Variants in RHNO1 observed in about 807,000 individuals in gnomAD.
The protein encoded by RHNO1 is RAD9, HUS1, RAD1-interacting nuclear orphan protein 1.
A neutral mutation model predicts 7.2 loss-of-function variants in RHNO1; 9 were observed. That is an observed-to-expected ratio of 1.25 (90% CI 0.75 to 2.18). RHNO1 has a LOEUF of 2.18. RHNO1 is among the 30% of genes most tolerant of loss of function. The probability of loss-of-function intolerance (pLI) is 0.00; values close to 1 mark genes in which losing one functional copy is unlikely to be tolerated. For missense variants in RHNO1, 292 were observed against 284.5 expected, an observed-to-expected ratio of 1.03 and a Z score of -0.19; for synonymous variants, 95 against 107.5, an observed-to-expected ratio of 0.88 and a Z score of 0.72.
Position 2,883,070 on chromosome 12 carries a change from A to AAAAAAAAACAAAAC in RHNO1, c.-84-2205_-84-2204insCAAAACAAAAAAAA, listed in dbSNP as rs1555108288. 2.3e-3 allele frequency among the ~76,000 whole-genome samples: 325 copies of AAAAAAAAACAAAAC among 140,858 alleles called. 4 individuals carry two copies. The highest frequency in any genetic ancestry group is 8.2e-3 in the African/African-American group (300 of 36,510). 92.4% of individuals were successfully genotyped at this position (140,858 alleles called of 152,430 possible). On this transcript the variant is annotated intron_variant, in intron 1 of 2. Coordinates refer to ENST00000489288, the MANE Select transcript of RHNO1 (RefSeq NM_001252499.3). Reference sequence around the variant, plus strand: ...TGACAGAGCAAGGCCCTGTCTCAAAAAAAAAAAAAAAAAAACACATAGAAA... The same window carrying AAAAAAAAACAAAAC: ...TGACAGAGCAAGGCCCTGTCTCAAAAAAAAAAAACAAAACAAAAAAAAAAAAAAACACATAGAAA...
In RHNO1 at chr12:2,887,600, A is replaced by G. The variant is rs562629748; in HGVS notation, c.169-311A>G. Among the ~76,000 whole-genome samples the G allele has an allele frequency of 1.4e-4, 21 of 152,198 alleles. No homozygotes were observed. The South Asian group carries it at 1.7e-3, about 12-fold the overall frequency. ...GAGACAGAGGTTGCAATGAGCCGAG[A>G]TGGTGCCGCTGCATTCCAGCCTAGA... On this transcript the variant is annotated intron_variant, in intron 2 of 2. Transcript: ENST00000489288.
intron 1 of RHNO1, among the ~76,000 whole-genome samples, chr12:2,880,846 C>T (rs1040333368): frequency 2.6e-5 from 4 of 151,856 alleles, no homozygotes; most frequent in Non-Finnish European, 4.4e-5. Flanking sequence ...TCTATGTTGC[C>T]CAGGCTGGTC....
chr12:2,880,662 G>T (rs187979443), intron 1 of RHNO1, among the ~76,000 whole-genome samples: 4 of 152,070 alleles, frequency 2.6e-5, no homozygotes, highest in Admixed American at 6.5e-5. Context: ...TTGAGATAGG[G>T]TCTGTCTGTC....
chr12:2,885,658 T>C, intron 2 of RHNO1, 124 bp downstream of exon 2: 1 of 834,288 alleles, frequency 1.2e-6, no homozygotes, highest in East Asian at 3.0e-5. Context: ...CACTGCAAGC[T>C]CCGCCTCCTG....
chr12:2,887,975 G>A lies in RHNO1; in HGVS notation c.233G>A (p.Arg78Gln), dbSNP rs61735305. The stretch of plus-strand genomic sequence containing the variant: ...CCAGCCTACCAGAAACACCAAAACC[G>A]GGCGAGACACTCAAGTCGAAAACCT... The part of the protein sequence containing the change: ...LFPAYQKHQN[R>Q]ARHSSRKPTT... The change falls in exon 3 of 3, where the codon CGG becomes CAG. Residue 78 changes from arginine (R) to glutamine (Q), a missense_variant. Physicochemically the swap from Arg to Gln is conservative, Grantham distance 43 (BLOSUM62 1). Coordinates refer to ENST00000489288, the MANE Select transcript of RHNO1 (RefSeq NM_001252499.3). 3.8e-4 allele frequency: 607 copies of A among 1,613,252 alleles called. 3 individuals are homozygous for A. The African/African-American group carries it at 6.2e-3, about 17-fold the overall frequency.
chr12:2,878,387 A>G (rs2098151782), intron 1 of RHNO1, among the ~76,000 whole-genome samples: 1 of 150,930 alleles, frequency 6.6e-6, no homozygotes, highest in African/African-American at 2.5e-5. Flanking sequence ...AGGAGGAAGC[A>G]CAGTGAGTAC....
In RHNO1 at chr12:2,889,013, C is replaced by CCTTAACCAGTGGT. The variant is rs1269221236; in HGVS notation, c.*554_*555insCTTAACCAGTGGT. On this transcript the variant is annotated 3_prime_UTR_variant, in exon 3 of 3. Coordinates refer to ENST00000489288, the MANE Select transcript of RHNO1 (RefSeq NM_001252499.3). ...TAATACAGCAATATTACCCCATCCA[C>CCTTAACCAGTGGT]TAATGGTCTTTGTTTCCTTAACCAC... The CCTTAACCAGTGGT allele has an allele frequency of 1.3e-5, 2 of 152,238 alleles. No individual in the cohort carries two copies. Among genetic ancestry groups the CCTTAACCAGTGGT allele is most frequent in the Non-Finnish European group, 2.9e-5 (2 of 68,074 alleles). 9.4% of individuals were successfully genotyped at this position (152,238 alleles called of 1,614,324 possible). A position where few individuals can be genotyped will look rare whatever the true frequency, so the allele number is the denominator to read the frequency against.
rs367602600 is a variant in RHNO1, at chr12:2,888,080, G to A, written c.338G>A (p.Arg113Gln). ...GAGACATTGGGGATCCCCTTAATCC[G>A]AGAGTGCCCCAGTGAATCAGAAAAG... ...SSETLGIPLI[R>Q]ECPSESEKDV... The change falls in exon 3 of 3, where the codon CGA (arginine) becomes CAA (glutamine). Residue 113 changes from arginine to glutamine, a missense_variant. Arg to Gln is a conservative substitution (Grantham distance 43). Coordinates refer to ENST00000489288, the MANE Select transcript of RHNO1 (RefSeq NM_001252499.3). The A allele has an allele frequency of 1.8e-5, 29 of 1,614,060 alleles. No individual in the cohort carries two copies. The African/African-American group carries it at 2.7e-4, about 15-fold the overall frequency.
chr12:2,886,501 A>G (rs2098165702), intron 2 of RHNO1, among the ~76,000 whole-genome samples: 1 of 151,962 alleles, frequency 6.6e-6, no homozygotes, highest in African/African-American at 2.4e-5. Context: ...AAATATTAAT[A>G]GAAAAATTAG....
At chr12:2,878,687 G>GGA (rs151061951) in intron 1 of RHNO1, among the ~76,000 whole-genome samples, 4 of 151,510 alleles carry the variant, frequency 2.6e-5, no homozygotes, top group Non-Finnish European at 5.9e-5. Context: ...AGGGTGGCAG[G>GGA]GAGAGAGAGA....
At chr12:2,884,940 A>G (rs530945359) in intron 1 of RHNO1, among the ~76,000 whole-genome samples, 1 of 152,320 alleles carries the variant, frequency 6.6e-6, no homozygotes, top group African/African-American at 2.4e-5. Flanking sequence ...ATTCTCATAC[A>G]GTGTTGTAAA....
intron 1 of RHNO1, among the ~76,000 whole-genome samples, chr12:2,878,644 A>G (rs191443353): frequency 1.3e-5 from 2 of 152,140 alleles, no homozygotes; most frequent in African/African-American, 2.4e-5. Flanking sequence ...GGATGTTGCA[A>G]TACTCCAGGC....
At chr12:2,884,107 C>T (rs1430680681) in intron 1 of RHNO1, among the ~76,000 whole-genome samples, 1 of 151,988 alleles carries the variant, frequency 6.6e-6, no homozygotes, top group Non-Finnish European at 1.5e-5. Flanking sequence ...GTCTCCCAGG[C>T]TGGAGTGCAG....
intron 2 of RHNO1, among the ~76,000 whole-genome samples, chr12:2,886,655 C>CAAAAAAAA (rs11441422): frequency 1.0e-5 from 1 of 95,354 alleles, no homozygotes. Context: ...GACCCTGTCT[C>CAAAAAAAA]AAAAAAAAAA....
At chr12:2,887,814 C>T (rs2098167345) in intron 2 of RHNO1, 97 bp from the exon 3 acceptor site, 3 of 1,005,002 alleles carry the variant, frequency 3.0e-6, no homozygotes, top group South Asian at 1.8e-5. Flanking sequence ...TTCATTACTA[C>T]AGTAGACCCC....
intron 1 of RHNO1, among the ~76,000 whole-genome samples, chr12:2,881,134 G>A (rs1021225319): frequency 2.0e-5 from 3 of 151,254 alleles, no homozygotes; most frequent in South Asian, 2.1e-4. Context: ...ACTGAATCTC[G>A]CTCTGTTGCC....
chr12:2,883,495 ATATATATATATATATATTTTTT>A (rs2098161119), intron 1 of RHNO1, among the ~76,000 whole-genome samples: 2 of 21,314 alleles, frequency 9.4e-5, no homozygotes, highest in African/African-American at 5.9e-4. Flanking sequence ...ATATATATAT[ATATATATATATATATATTTTTT>A]TTTTTTTTTT....
intron 1 of RHNO1, among the ~76,000 whole-genome samples, chr12:2,883,509 A>ATC (rs1169837648): frequency 1.7e-4 from 4 of 24,230 alleles, no homozygotes; most frequent in African/African-American, 2.8e-4. Context: ...ATATATATAT[A>ATC]TATTTTTTTT....
At chr12:2,882,962 G>A (rs2153944945) in intron 1 of RHNO1, among the ~76,000 whole-genome samples, 1 of 151,510 alleles carries the variant, frequency 6.6e-6, no homozygotes, top group African/African-American at 2.4e-5. Context: ...AGCTACTCAG[G>A]AAGCTGATGT....
Sources: gnomAD v4.1 joint callset for allele counts (sites outside exome capture counted in the v4.1 genomes callset) on GRCh38, gnomAD v4.1.1 for gene constraint, MANE v1.5 for transcripts, NCBI Gene and HGNC (gene_info 2026-07-23, HGNC 2026-07-21) for gene names.